The following DAB1 variants were observed in gnomAD, a reference collection of about 807,000 sequenced individuals.
The protein encoded by DAB1 is disabled homolog 1.
In DAB1, 15 loss-of-function variants were observed where a neutral mutation model predicts 64.6. The ratio of observed to expected loss-of-function variants is 0.23; its 90% CI spans 0.16 to 0.36. DAB1 has a LOEUF of 0.36. Ranked by LOEUF, DAB1 falls within the 10% of genes least tolerant of loss-of-function variation. The pLI, the probability that DAB1 is intolerant of heterozygous loss-of-function variation, is 1.00. For missense variants in DAB1, 596 were observed against 706.7 expected, an observed-to-expected ratio of 0.84 and a Z score of 1.78; for synonymous variants, 235 against 251.9, an observed-to-expected ratio of 0.93 and a Z score of 0.64.
chr1:57,253,874 A>G lies in DAB1; in HGVS notation c.67+37090T>C, dbSNP rs535445024. Among the ~76,000 whole-genome samples the G allele has an allele frequency of 3.3e-4, 51 of 152,326 alleles. 1 individual carries two copies. Among genetic ancestry groups the G allele is most frequent in the African/African-American group, 1.2e-3 (50 of 41,578 alleles). The stretch of plus-strand genomic sequence containing the variant: ...TTACCTGATAGGACATTTATTAAGG[A>G]TAAAACATTTCTTTTATCCCAATAG... On this transcript the variant is annotated intron_variant, in intron 2 of 14. Transcript: ENST00000371236.
At chr1:58,535,985 C>T (rs1302195607) in intron 1 of DAB1, among the ~76,000 whole-genome samples, 1 of 151,850 alleles carries the variant, frequency 6.6e-6, no homozygotes, top group Non-Finnish European at 1.5e-5. Context: ...TATTTAAAAC[C>T]ATAAACAAAA....
chr1:57,439,795 A>C (rs375597499), intron 7 of DAB1, among the ~76,000 whole-genome samples: 3 of 152,090 alleles, frequency 2.0e-5, no homozygotes, highest in Admixed American at 6.5e-5. Context: ...CATGAATAAG[A>C]TTTAATACTT....
chr1:58,520,910 CA>C (rs1397904940), intron 2 of DAB1, among the ~76,000 whole-genome samples: 1 of 152,004 alleles, frequency 6.6e-6, no homozygotes. Flanking sequence ...GAAAAAAAAT[CA>C]GCAAGAATAT....
chr1:57,789,198 G>A (rs766319757), intron 6 of DAB1, among the ~76,000 whole-genome samples: 38 of 152,068 alleles, frequency 2.5e-4, no homozygotes, highest in Non-Finnish European at 4.9e-4. Context: ...CGCCCCTGCC[G>A]CCAAGCATGG....
intron 6 of DAB1, among the ~76,000 whole-genome samples, chr1:57,725,004 A>G (rs1291867469): frequency 1.3e-5 from 2 of 152,208 alleles, no homozygotes; most frequent in African/African-American, 4.8e-5. Flanking sequence ...GATACAAGGT[A>G]GAAAGTGCTA....
intron 4 of DAB1, among the ~76,000 whole-genome samples, chr1:57,096,631 G>A (rs1184525203): frequency 6.6e-6 from 1 of 152,032 alleles, no homozygotes; most frequent in Non-Finnish European, 1.5e-5. Flanking sequence ...TGCCTTGCCT[G>A]ACCACCCAAG....
intron 6 of DAB1, among the ~76,000 whole-genome samples, chr1:57,661,416 G>T (rs114269190): frequency 6.6e-6 from 1 of 152,148 alleles, no homozygotes; most frequent in South Asian, 2.1e-4. Flanking sequence ...TGTGACACTC[G>T]GTTACCTTCT....
downstream of DAB1, among the ~76,000 whole-genome samples, chr1:57,823,048 G>A (rs1026639699): frequency 7.5e-5 from 11 of 147,622 alleles, 1 homozygote; most frequent in South Asian, 6.4e-4. Context: ...GCAGTGGCGC[G>A]ATCTTGGCTC....
intron 7 of DAB1, among the ~76,000 whole-genome samples, chr1:57,565,148 C>A (rs563033502): frequency 2.2e-4 from 34 of 152,288 alleles, no homozygotes; most frequent in African/African-American, 7.5e-4. Context: ...AATTTTCAAC[C>A]CAGAATTTCA....
chr1:57,175,000 G>T (rs1347221734), intron 2 of DAB1, among the ~76,000 whole-genome samples: 2 of 152,078 alleles, frequency 1.3e-5, no homozygotes, highest in Non-Finnish European at 1.5e-5. Context: ...AAAACAAAAT[G>T]CTACTCTCCA....
intron 6 of DAB1, among the ~76,000 whole-genome samples, chr1:57,816,141 A>G (rs1373478857): frequency 6.6e-6 from 1 of 152,206 alleles, no homozygotes; most frequent in Non-Finnish European, 1.5e-5. Flanking sequence ...GGAGATCCAT[A>G]AACAGTGAGA....
intron 7 of DAB1, among the ~76,000 whole-genome samples, chr1:57,629,982 T>C (rs1378218428): frequency 6.6e-6 from 1 of 152,114 alleles, no homozygotes; most frequent in African/African-American, 2.4e-5. Context: ...TTTGTGCTTA[T>C]TAAACAGGAA....
chr1:58,325,026 C>T (rs1437364732), intron 4 of DAB1, among the ~76,000 whole-genome samples: 2 of 152,208 alleles, frequency 1.3e-5, no homozygotes, highest in Non-Finnish European at 2.9e-5. Context: ...CAACATAATA[C>T]ACCAGGCAGC....
chr1:58,109,645 C>T (rs1416346), intron 5 of DAB1, among the ~76,000 whole-genome samples: 45,351 of 151,528 alleles, frequency 0.3, 7,949 homozygotes, highest in African/African-American at 0.48. Flanking sequence ...ATCATACTCA[C>T]GTGGGCCAAG....
intron 7 of DAB1, among the ~76,000 whole-genome samples, chr1:57,464,635 G>A (rs1054429514): frequency 6.6e-6 from 1 of 152,106 alleles, no homozygotes; most frequent in Non-Finnish European, 1.5e-5. Context: ...AATGAAAGAA[G>A]GGGGAAAAGG....
At chr1:57,087,617 C>A (rs962866487) in intron 4 of DAB1, among the ~76,000 whole-genome samples, 3 of 152,110 alleles carry the variant, frequency 2.0e-5, no homozygotes, top group Admixed American at 2.0e-4. Flanking sequence ...TGGGACTGAG[C>A]CCAAATGTGG....
chr1:58,475,409 G>C (rs527570892), intron 3 of DAB1, among the ~76,000 whole-genome samples: 1 of 152,072 alleles, frequency 6.6e-6, no homozygotes, highest in South Asian at 2.1e-4. Flanking sequence ...TGATCTACCT[G>C]CCTCAGCCTC....
chr1:57,942,175 T>A (rs771533269), intron 5 of DAB1, among the ~76,000 whole-genome samples: 11 of 152,130 alleles, frequency 7.2e-5, no homozygotes, highest in Admixed American at 2.0e-4. Flanking sequence ...CACCCTTATA[T>A]CATTGCTCAC....
At chr1:57,230,257 A>G (rs1353926831) in intron 2 of DAB1, among the ~76,000 whole-genome samples, 1 of 152,022 alleles carries the variant, frequency 6.6e-6, no homozygotes, top group East Asian at 1.9e-4. Context: ...TTTTGCTTTC[A>G]ACATTGGCGA....
Sources: gnomAD v4.1 joint callset for allele counts (sites outside exome capture counted in the v4.1 genomes callset) on GRCh38, gnomAD v4.1.1 for gene constraint, MANE v1.5 for transcripts, NCBI Gene and HGNC (gene_info 2026-07-23, HGNC 2026-07-21) for gene names.